Variants in LAMA1 observed in about 807,000 individuals in gnomAD.
LAMA1 encodes laminin subunit alpha 1, also known as laminin subunit alpha-1.
A neutral mutation model predicts 348.7 loss-of-function variants in LAMA1; 219 were observed. The observed-to-expected ratio is 0.63, with a 90% confidence interval of 0.56 to 0.70. The LOEUF (loss-of-function observed/expected upper bound fraction) is 0.70. Among genes scored for constraint, LAMA1 ranks in the 30% least tolerant of loss-of-function variants. LAMA1 has a pLI of 0.00. For synonymous variants in LAMA1, 1,487 were observed against 1,491.0 expected, an observed-to-expected ratio of 1.00 and a Z score of 0.06; for missense variants, 3,744 against 3,888.0, an observed-to-expected ratio of 0.96 and a Z score of 0.99.
At chr18:6,973,822 CCA>C (rs1158703186) in intron 46 of LAMA1, among the ~76,000 whole-genome samples, 1 of 152,142 alleles carries the variant, frequency 6.6e-6, no homozygotes, top group African/African-American at 2.4e-5. Context: ...GCTCTGTCGC[CCA>C]GACTGGAACG....
At chr18:6,986,369 C>T (rs753642032) in intron 36 of LAMA1, 22 bp from the exon 37 acceptor site, 2 of 1,605,810 alleles carry the variant, frequency 1.2e-6, no homozygotes, top group Non-Finnish European at 1.7e-6. Flanking sequence ...GAATGGTTCA[C>T]ATAGTAAGTA....
chr18:6,978,517 G>T, intron 42 of LAMA1, 139 bp from the exon 43 acceptor site: 1 of 863,240 alleles, frequency 1.2e-6, no homozygotes, highest in Non-Finnish European at 1.8e-6. Flanking sequence ...AGGCTTGTCT[G>T]TTTGCTTTTT....
At chr18:7,080,729 C>A (rs978929325) in intron 1 of LAMA1, among the ~76,000 whole-genome samples, 2 of 152,110 alleles carry the variant, frequency 1.3e-5, no homozygotes, top group African/African-American at 4.8e-5. Flanking sequence ...GTAATACGTT[C>A]ATATCTCGAT....
chr18:7,045,877 CA>C (rs200030874), intron 6 of LAMA1, among the ~76,000 whole-genome samples: 1 of 149,434 alleles, frequency 6.7e-6, no homozygotes, highest in African/African-American at 2.5e-5. Flanking sequence ...GATTTAGCAC[CA>C]AAAAAAACGG....
At chr18:7,032,787 C>G (rs575928446) in intron 15 of LAMA1, among the ~76,000 whole-genome samples, 197 bp downstream of exon 15, 66 of 152,280 alleles carry the variant, frequency 4.3e-4, no homozygotes, top group Middle Eastern at 3.4e-3. Context: ...GTCCGGTGCT[C>G]CAGCCCATTC....
chr18:6,956,610 C>T, intron 56 of LAMA1, 26 bp downstream of exon 56: 1 of 1,613,860 alleles, frequency 6.2e-7, no homozygotes, highest in South Asian at 1.1e-5. Context: ...CTGGACCTGA[C>T]TGATAGTAAA....
intron 57 of LAMA1, among the ~76,000 whole-genome samples, chr18:6,951,894 G>GCAA (rs1047155181): frequency 2.6e-5 from 4 of 152,234 alleles, no homozygotes; most frequent in Non-Finnish European, 5.9e-5. Flanking sequence ...TGTGCCCGCG[G>GCAA]CAACGGCAAA....
At chr18:7,036,635 T>A (rs2057995952) in intron 12 of LAMA1, among the ~76,000 whole-genome samples, 1 of 151,872 alleles carries the variant, frequency 6.6e-6, no homozygotes. Context: ...ATTGGAGAAG[T>A]GATATCAAGA....
At chr18:7,115,652 G>C (rs2058352263) in intron 1 of LAMA1, among the ~76,000 whole-genome samples, 1 of 151,302 alleles carries the variant, frequency 6.6e-6, no homozygotes, top group Non-Finnish European at 1.5e-5. Context: ...CTATTCATGG[G>C]GCACAAAATC....
At chr18:6,971,740 C>T (rs2057659126) in intron 48 of LAMA1, 117 bp downstream of exon 48, 40 of 1,423,718 alleles carry the variant, frequency 2.8e-5, no homozygotes, top group Middle Eastern at 3.5e-4. Flanking sequence ...AGCTAAACAC[C>T]TACCAGCGAT....
At chr18:6,974,254 T>C (rs1324079229) in intron 46 of LAMA1, among the ~76,000 whole-genome samples, 1 of 152,150 alleles carries the variant, frequency 6.6e-6, no homozygotes, top group Non-Finnish European at 1.5e-5. Flanking sequence ...TAATTTTTAT[T>C]ATATATTGTC....
At chr18:7,024,330 A>C (rs748343032) in intron 18 of LAMA1, 50 bp downstream of exon 18, 2 of 1,410,200 alleles carry the variant, frequency 1.4e-6, no homozygotes, top group South Asian at 2.4e-5. Flanking sequence ...AAACACATAG[A>C]ATTTATATTT....
intron 1 of LAMA1, among the ~76,000 whole-genome samples, chr18:7,081,370 C>T (rs950783056): frequency 8.5e-5 from 13 of 152,148 alleles, no homozygotes; most frequent in Admixed American, 7.9e-4. Flanking sequence ...GTCCAGTTGA[C>T]TCTGGTAGTA....
chr18:7,021,557 T>C (rs962267074), intron 19 of LAMA1, among the ~76,000 whole-genome samples: 3 of 151,986 alleles, frequency 2.0e-5, no homozygotes, highest in African/African-American at 7.2e-5. Context: ...CTATAAAATA[T>C]ACACTCAATT....
chr18:6,987,405 T>C (rs906479367), intron 36 of LAMA1, among the ~76,000 whole-genome samples: 1 of 152,212 alleles, frequency 6.6e-6, no homozygotes, highest in Non-Finnish European at 1.5e-5. Context: ...AAGAAACAGA[T>C]TTCATAAAAG....
intron 5 of LAMA1, among the ~76,000 whole-genome samples, chr18:7,046,642 T>C (rs1035391904): frequency 6.6e-6 from 1 of 152,172 alleles, no homozygotes; most frequent in Non-Finnish European, 1.5e-5. Context: ...TCAAAACTCA[T>C]TATTGAAAAC....
chr18:6,991,746 G>T (rs1381884020), intron 36 of LAMA1, among the ~76,000 whole-genome samples: 1 of 152,044 alleles, frequency 6.6e-6, no homozygotes, highest in Non-Finnish European at 1.5e-5. Flanking sequence ...AGAAAAAGAA[G>T]AGATATATAC....
intron 49 of LAMA1, 148 bp downstream of exon 49, chr18:6,965,999 A>G: frequency 1.2e-6 from 1 of 800,948 alleles, no homozygotes; most frequent in South Asian, 1.7e-5. Context: ...TAGCACACAC[A>G]TATATTAATA....
rs370351631 is a variant in LAMA1, at chr18:7,037,644, G to A, written c.1671C>T (p.Thr557=). Residue 557 remains threonine (T), a synonymous_variant, in exon 12 of 63, where the codon ACC becomes ACT. Coordinates refer to ENST00000389658, the MANE Select transcript of LAMA1 (RefSeq NM_005559.4). ...GGRHQVSINN[T]AVMQRLAPKY... is the part of the protein sequence containing the mutation. ...TGGGAGCCAGTCTCTGCATGACCGC[G>A]GTGTTGTTGATGCTGACCTGATGGC... 3.3e-5 allele frequency: 54 copies of A among 1,614,000 alleles called. No individual in the cohort carries two copies. In the East Asian group the frequency reaches 3.6e-4, roughly 11 times the overall value.
Sources: gnomAD v4.1 joint callset for allele counts (sites outside exome capture counted in the v4.1 genomes callset) on GRCh38, gnomAD v4.1.1 for gene constraint, MANE v1.5 for transcripts, NCBI Gene and HGNC (gene_info 2026-07-23, HGNC 2026-07-21) for gene names.